SRGAP3: variants seen among roughly 807,000 people sequenced by gnomAD.
The protein encoded by SRGAP3 is SLIT-ROBO Rho GTPase activating protein 3.
A neutral mutation model predicts 121.1 loss-of-function variants in SRGAP3; 39 were observed. The observed-to-expected ratio is 0.32, with a 90% CI of 0.25 to 0.42. SRGAP3 has a LOEUF of 0.42. Ranked by LOEUF, SRGAP3 falls within the 10% of genes least tolerant of loss-of-function variation. The probability of loss-of-function intolerance (pLI) is 1.00; values close to 1 mark genes in which losing one functional copy is unlikely to be tolerated. For synonymous variants in SRGAP3, 601 were observed against 570.0 expected, an observed-to-expected ratio of 1.05 and a Z score of -0.77; for missense variants, 1,213 against 1,470.6, an observed-to-expected ratio of 0.82 and a Z score of 2.86.
intron 21 of SRGAP3, among the ~76,000 whole-genome samples, chr3:8,987,178 G>T (rs1941762397): frequency 6.6e-6 from 1 of 152,200 alleles, no homozygotes; most frequent in Non-Finnish European, 1.5e-5. Context: ...ACTGCCAGGT[G>T]GTGGTTTTCA....
intron 3 of SRGAP3, among the ~76,000 whole-genome samples, chr3:9,324,923 C>T (rs1354406762): frequency 6.6e-6 from 1 of 151,298 alleles, no homozygotes; most frequent in African/African-American, 2.4e-5. Context: ...CGCCACTGCA[C>T]TCCAGCCTGG....
At chr3:9,314,702 G>A (rs905617747) in intron 3 of SRGAP3, among the ~76,000 whole-genome samples, 1 of 146,594 alleles carries the variant, frequency 6.8e-6, no homozygotes, top group African/African-American at 2.7e-5. Context: ...CTGGAGGGCT[G>A]TGATCCCCCA....
upstream of SRGAP3, among the ~76,000 whole-genome samples, chr3:9,249,949 T>G (rs1953965088): frequency 6.6e-6 from 1 of 152,218 alleles, no homozygotes; most frequent in African/African-American, 2.4e-5. Flanking sequence ...AATCAACAGC[T>G]ATATGATGGT....
intron 4 of SRGAP3, among the ~76,000 whole-genome samples, chr3:9,069,499 ACT>A (rs893280026): frequency 4.6e-5 from 7 of 151,924 alleles, no homozygotes; most frequent in African/African-American, 1.7e-4. Flanking sequence ...AGCCCTCCAG[ACT>A]CTATTCAGGG....
chr3:9,243,587 A>T (rs929856727), intron 1 of SRGAP3, among the ~76,000 whole-genome samples: 2 of 149,970 alleles, frequency 1.3e-5, no homozygotes, highest in Admixed American at 1.3e-4. Context: ...GTGAGCCAAG[A>T]TTGTGCCACT....
At position 9,324,882 on chromosome 3, in the gene SRGAP3, G is replaced by A. The variant is rs966647367; in HGVS notation, n.442+1128C>T. ...TGAGGCAGGAAAATGGCATGAACCCGGGAGGCGGAGCTTGCAGTGAGCCGA... is the reference window on the plus strand; with the variant it reads ...TGAGGCAGGAAAATGGCATGAACCCAGGAGGCGGAGCTTGCAGTGAGCCGA... On this transcript the variant is annotated intron_variant and non_coding_transcript_variant, in intron 3 of 3. Coordinates refer to the SRGAP3 transcript ENST00000490889. 4.6e-5 allele frequency among the ~76,000 whole-genome samples: 7 copies of A among 151,636 alleles called. 1 individual carries two copies. The highest frequency in any genetic ancestry group is 3.4e-3 in the Middle Eastern group (1 of 294).
At chr3:9,206,566 C>T (rs1342916551) in intron 1 of SRGAP3, among the ~76,000 whole-genome samples, 1 of 152,164 alleles carries the variant, frequency 6.6e-6, no homozygotes, top group East Asian at 1.9e-4. Context: ...GCTGATGGTG[C>T]TCCTGCCACA....
chr3:9,256,866 C>T (rs975049782), intron 3 of SRGAP3: 11 of 398,460 alleles, frequency 2.8e-5, no homozygotes, highest in African/African-American at 2.3e-4. Flanking sequence ...ACATACCTAC[C>T]ATGTCCTGCA....
In SRGAP3 at chr3:9,268,762, G is replaced by A. The variant is rs542810450; in HGVS notation, n.442+57248C>T. On this transcript the variant is annotated intron_variant and non_coding_transcript_variant, in intron 3 of 3. Coordinates refer to the SRGAP3 transcript ENST00000490889. ...GCAATCAATAACTGATACATCACAC[G>A]ACCCGTAAGAACCTCAGCTCTGATT... Among the ~76,000 whole-genome samples, 5 of 152,188 alleles carry A rather than the reference G, an allele frequency of 3.3e-5. No individual in the cohort carries two copies. In the East Asian group the frequency reaches 7.7e-4, roughly 23 times the overall value.
chr3:9,308,015 C>T (rs1316151361), intron 3 of SRGAP3, among the ~76,000 whole-genome samples: 4 of 152,152 alleles, frequency 2.6e-5, no homozygotes, highest in East Asian at 1.9e-4. Flanking sequence ...ATTAGCTGGA[C>T]GTGGTGGTGC....
At position 9,085,229 on chromosome 3, in the gene SRGAP3, C is replaced by A. The variant is rs115491350; in HGVS notation, c.424-5142G>T. Among the ~76,000 whole-genome samples the A allele has an allele frequency of 2.1e-3, 323 of 152,338 alleles. 2 individuals are homozygous for A. The highest frequency in any genetic ancestry group is 7.3e-3 in the African/African-American group (304 of 41,584). Reference sequence around the variant, plus strand: ...AGGACACAATGACACCAAGTATACACCTCCTTCTCAGTGTAGTCCTTGCCC... The same window carrying A: ...AGGACACAATGACACCAAGTATACAACTCCTTCTCAGTGTAGTCCTTGCCC... On this transcript the variant is annotated intron_variant, in intron 3 of 21. Coordinates refer to ENST00000383836, the MANE Select transcript of SRGAP3 (RefSeq NM_014850.4).
rs190552078 is a variant in SRGAP3 at position 9,305,695 on chromosome 3, T to C, written n.442+20315A>G. 2.1e-3 allele frequency among the ~76,000 whole-genome samples: 321 copies of C among 152,254 alleles called. 3 individuals are homozygous for C. The highest frequency in any genetic ancestry group is 7.2e-3 in the African/African-American group (298 of 41,532). On this transcript the variant is annotated intron_variant and non_coding_transcript_variant, in intron 3 of 3. Coordinates refer to the SRGAP3 transcript ENST00000490889. Reference sequence around the variant, plus strand: ...TGTCCTTGTGATAGTTTGCTGAGAATGATGGTTTCCAGTTTCATCCATGTC... The same window carrying C: ...TGTCCTTGTGATAGTTTGCTGAGAACGATGGTTTCCAGTTTCATCCATGTC...
At chr3:9,284,289 T>C (rs1417336167) in intron 3 of SRGAP3, among the ~76,000 whole-genome samples, 2 of 152,242 alleles carry the variant, frequency 1.3e-5, no homozygotes, top group Admixed American at 1.3e-4. Context: ...AAAAGATGTG[T>C]GCCTAAAAGT....
At chr3:9,036,625 AC>A in intron 11 of SRGAP3, 1 of 152,250 alleles carries the variant, frequency 6.6e-6, no homozygotes, top group East Asian at 1.9e-4. Context: ...CTGAGGGAAG[AC>A]CCTGAGACCT....
chr3:9,031,694 C>G (rs1311066250), intron 12 of SRGAP3, among the ~76,000 whole-genome samples: 1 of 152,226 alleles, frequency 6.6e-6, no homozygotes, highest in African/African-American at 2.4e-5. Context: ...CTGAGGATCA[C>G]AAGTAGACAG....
chr3:9,162,912 C>T (rs1006848229), intron 1 of SRGAP3, among the ~76,000 whole-genome samples: 1 of 152,192 alleles, frequency 6.6e-6, no homozygotes, highest in Non-Finnish European at 1.5e-5. Flanking sequence ...GGATGAAGGT[C>T]GGGATTTGGA....
chr3:9,088,098 C>T (rs1182812010), intron 3 of SRGAP3, among the ~76,000 whole-genome samples: 1 of 152,228 alleles, frequency 6.6e-6, no homozygotes, highest in Non-Finnish European at 1.5e-5. Flanking sequence ...TCACCAGGAA[C>T]AGGAAACCCA....
intron 1 of SRGAP3, among the ~76,000 whole-genome samples, chr3:9,169,779 A>T (rs1950912036): frequency 6.6e-6 from 1 of 152,174 alleles, no homozygotes; most frequent in Non-Finnish European, 1.5e-5. Flanking sequence ...AGAATCACTA[A>T]ATTGGAGTTC....
At chr3:9,098,104 C>G (rs535045594) in intron 3 of SRGAP3, among the ~76,000 whole-genome samples, 7 of 152,276 alleles carry the variant, frequency 4.6e-5, no homozygotes, top group African/African-American at 1.4e-4. Context: ...AAACCTCCCC[C>G]TCCCAGGTTA....
Sources: gnomAD v4.1 joint callset for allele counts (sites outside exome capture counted in the v4.1 genomes callset) on GRCh38, gnomAD v4.1.1 for gene constraint, MANE v1.5 for transcripts, NCBI Gene and HGNC (gene_info 2026-07-23, HGNC 2026-07-21) for gene names.